Variants in ME1 observed in about 807,000 individuals in gnomAD.
The protein encoded by ME1 is malic enzyme 1, also known as NADP-dependent malic enzyme.
A neutral mutation model predicts 66.4 loss-of-function variants in ME1; 74 were observed. The observed-to-expected ratio is 1.11, with a 90% CI of 0.92 to 1.35. ME1 has a LOEUF of 1.35. Among genes scored for constraint, ME1 ranks in the 40% most tolerant of loss-of-function variants. The pLI is 0.00. For synonymous variants in ME1, 251 were observed against 235.6 expected (o/e 1.07, Z -0.60); for missense variants, 750 against 694.1 (o/e 1.08, Z -0.90).
chr6:83,304,965 G>A (rs1268759247), intron 6 of ME1, among the ~76,000 whole-genome samples: 2 of 152,120 alleles, frequency 1.3e-5, no homozygotes, highest in African/African-American at 4.8e-5. Flanking sequence ...CTAATTCCTT[G>A]AGGGATAATC....
intron 3 of ME1, among the ~76,000 whole-genome samples, chr6:83,369,655 GGAAGGAAGGAAGGAAC>G (rs142303985): frequency 0.084 from 5,954 of 71,190 alleles, 236 homozygotes; most frequent in Middle Eastern, 0.15. Flanking sequence ...GACAGAGAGA[GGAAGGAAGGAAGGAAC>G]GAAGGAAGGA....
At chr6:83,328,321 T>C (rs1768340852) in intron 5 of ME1, among the ~76,000 whole-genome samples, 1 of 150,912 alleles carries the variant, frequency 6.6e-6, no homozygotes. Context: ...TGTCAGGGGG[T>C]GGAAGGCAAG....
At chr6:83,250,332 T>C (rs1457718680) in intron 7 of ME1, among the ~76,000 whole-genome samples, 1 of 152,184 alleles carries the variant, frequency 6.6e-6, no homozygotes, top group East Asian at 1.9e-4. Context: ...TTCTGATCTA[T>C]TGTTTCAAAG....
At chr6:83,326,827 C>T (rs373971882) in intron 5 of ME1, among the ~76,000 whole-genome samples, 8 of 152,206 alleles carry the variant, frequency 5.3e-5, no homozygotes, top group East Asian at 3.9e-4. Flanking sequence ...GACAGTGTGG[C>T]GACTCCTCAA....
chr6:83,330,484 T>C (rs1473537897), intron 5 of ME1, among the ~76,000 whole-genome samples: 5 of 152,204 alleles, frequency 3.3e-5, no homozygotes, highest in Non-Finnish European at 5.9e-5. Flanking sequence ...TGATTCAGTA[T>C]GTCTGGAGCA....
Position 83,291,156 on chromosome 6 carries a change from G to A in ME1, c.704+24154C>T, listed in dbSNP as rs180869129. 1.3e-3 allele frequency among the ~76,000 whole-genome samples: 192 copies of A among 152,268 alleles called. 1 individual carries two copies. The highest frequency in any genetic ancestry group is 3.5e-3 in the African/African-American group (144 of 41,564). On this transcript the variant is annotated intron_variant, in intron 6 of 13. Transcript: ENST00000369705. ...TATTGTTATGTGTGAATTTGATCCTGTCATTTTGATGTTAGCTGGTTATTT... is the reference window on the plus strand; with the variant it reads ...TATTGTTATGTGTGAATTTGATCCTATCATTTTGATGTTAGCTGGTTATTT...
intron 1 of ME1, among the ~76,000 whole-genome samples, chr6:83,424,438 T>G (rs963793295): frequency 2.0e-5 from 3 of 151,926 alleles, no homozygotes; most frequent in Admixed American, 6.6e-5. Flanking sequence ...AAAGGAGAAA[T>G]AGAGGAATGA....
chr6:83,376,186 T>G (rs1769285021), intron 3 of ME1, among the ~76,000 whole-genome samples: 1 of 152,148 alleles, frequency 6.6e-6, no homozygotes, highest in Non-Finnish European at 1.5e-5. Context: ...ATAAATTATT[T>G]CTCAGTGGTG....
At chr6:83,382,711 C>A (rs1769429374) in intron 3 of ME1, among the ~76,000 whole-genome samples, 1 of 151,916 alleles carries the variant, frequency 6.6e-6, no homozygotes, top group Non-Finnish European at 1.5e-5. Flanking sequence ...AGGGAAAGGT[C>A]CAAGGAGCTA....
chr6:83,315,129 T>C (rs1768005491), intron 6 of ME1, among the ~76,000 whole-genome samples, 181 bp downstream of exon 6: 1 of 152,206 alleles, frequency 6.6e-6, no homozygotes, highest in South Asian at 2.1e-4. Context: ...TAATCTATTC[T>C]GGATAGACAC....
At chr6:83,242,117 C>T (rs769153911) in intron 7 of ME1, among the ~76,000 whole-genome samples, 1 of 152,206 alleles carries the variant, frequency 6.6e-6, no homozygotes, top group African/African-American at 2.4e-5. Flanking sequence ...CCCGCCTCAG[C>T]CTCCCAAAGT....
At chr6:83,412,042 C>T (rs1023554222) in intron 1 of ME1, among the ~76,000 whole-genome samples, 5 of 152,056 alleles carry the variant, frequency 3.3e-5, no homozygotes, top group Admixed American at 6.6e-5. Flanking sequence ...CCTGACATGA[C>T]GAAGGACTTA....
chr6:83,275,372 A>G (rs2128531923), intron 6 of ME1, among the ~76,000 whole-genome samples: 1 of 138,230 alleles, frequency 7.2e-6, no homozygotes, highest in Non-Finnish European at 1.6e-5. Context: ...TAATAATAAT[A>G]ATAAACTAGC....
chr6:83,379,773 G>A (rs1308486455), intron 3 of ME1, among the ~76,000 whole-genome samples: 1 of 151,892 alleles, frequency 6.6e-6, no homozygotes, highest in Admixed American at 6.6e-5. Context: ...TTCAAACTAA[G>A]TTTCAATACG....
chr6:83,331,620 C>T (rs533761584), intron 5 of ME1, among the ~76,000 whole-genome samples: 34 of 150,590 alleles, frequency 2.3e-4, no homozygotes, highest in African/African-American at 3.2e-4. Flanking sequence ...AATTAGGATA[C>T]AGACATACAC....
chr6:83,330,293 T>C (rs1768378972), intron 5 of ME1, among the ~76,000 whole-genome samples: 2 of 152,220 alleles, frequency 1.3e-5, no homozygotes, highest in Admixed American at 1.3e-4. Flanking sequence ...TTATGGATTC[T>C]ATAAATAAAT....
intron 7 of ME1, among the ~76,000 whole-genome samples, chr6:83,244,822 TATAACAC>T (rs1477051176): frequency 6.6e-6 from 1 of 152,078 alleles, no homozygotes; most frequent in Non-Finnish European, 1.5e-5. Context: ...AAAAATGTGT[TATAACAC>T]ATTTTTGTTA....
chr6:83,334,645 TG>T (rs1768491763), intron 5 of ME1, among the ~76,000 whole-genome samples: 1 of 35,174 alleles, frequency 2.8e-5, no homozygotes, highest in African/African-American at 1.4e-4. Flanking sequence ...CCTCCTCAAG[TG>T]GGTCCCTGAC....
chr6:83,415,235 T>G (rs1334253403), intron 1 of ME1, among the ~76,000 whole-genome samples: 2 of 152,210 alleles, frequency 1.3e-5, no homozygotes, highest in Non-Finnish European at 2.9e-5. Context: ...ATCTGCAGAC[T>G]ATGAACATTA....
Sources: gnomAD v4.1 joint callset for allele counts (sites outside exome capture counted in the v4.1 genomes callset) on GRCh38, gnomAD v4.1.1 for gene constraint, MANE v1.5 for transcripts, NCBI Gene and HGNC (gene_info 2026-07-23, HGNC 2026-07-21) for gene names.